Variants in ARHGEF3 observed in about 807,000 individuals in gnomAD.
ARHGEF3 encodes the protein 59.8 kDA protein.
A neutral mutation model predicts 63.2 loss-of-function variants in ARHGEF3; 28 were observed. The ratio of observed to expected loss-of-function variants is 0.44; its 90% CI spans 0.33 to 0.61. ARHGEF3 has a LOEUF of 0.61. Ranked by LOEUF, ARHGEF3 falls within the 20% of genes least tolerant of loss-of-function variation. The pLI, the probability that ARHGEF3 is intolerant of heterozygous loss-of-function variation, is 0.03. For synonymous variants in ARHGEF3, 266 were observed against 254.2 expected, an observed-to-expected ratio of 1.05 and a Z score of -0.44; for missense variants, 533 against 659.3, an observed-to-expected ratio of 0.81 and a Z score of 2.10.
chr3:56,903,061 T>C (rs2041569341), intron 3 of ARHGEF3, among the ~76,000 whole-genome samples: 1 of 118,996 alleles, frequency 8.4e-6, no homozygotes, highest in East Asian at 2.7e-4. Context: ...GTGTCCCCTC[T>C]CTAAACATAC....
intron 4 of ARHGEF3, among the ~76,000 whole-genome samples, chr3:56,857,417 T>C (rs73833744): frequency 0.022 from 3,404 of 152,234 alleles, 124 homozygotes; most frequent in African/African-American, 0.077. Context: ...GAAGAACTTA[T>C]TTGCTGGAAA....
rs59510971 is a variant in ARHGEF3 at position 57,066,040 on chromosome 3, C to CA, written c.-28+13185dup. Reference sequence around the variant, plus strand: ...ACACAGTGAGACTCTGTCTCCAAAACAAAAAAAAAAAACCCTAAAATGTAA... The same window carrying CA: ...ACACAGTGAGACTCTGTCTCCAAAACAAAAAAAAAAAAACCCTAAAATGTAA... On this transcript the variant is annotated intron_variant, in intron 1 of 12. Coordinates refer to the ARHGEF3 transcript ENST00000338458. Among the ~76,000 whole-genome samples the CA allele has an allele frequency of 9.2e-3, 1,175 of 127,348 alleles. 13 individuals carry two copies. The highest frequency in any genetic ancestry group is 0.025 in the African/African-American group (845 of 34,462). 83.5% of individuals were successfully genotyped at this position (127,348 alleles called of 152,430 possible).
chr3:56,811,152 C>T lies in ARHGEF3; in HGVS notation c.193-37336G>A, dbSNP rs568358176. Among the ~76,000 whole-genome samples the T allele has an allele frequency of 9.8e-5, 15 of 152,298 alleles. No individual in the cohort carries two copies. In the East Asian group the frequency reaches 1.7e-3, roughly 18 times the overall value. ...ATGAAAAATTGACAAATCTATACTC[C>T]GAGTAAACTACCAAGTAAGCCACCC... is the stretch of plus-strand genomic sequence containing the variant. On this transcript the variant is annotated intron_variant, in intron 4 of 12. Transcript: ENST00000338458.
At chr3:56,837,448 A>G (rs2039154397) in intron 4 of ARHGEF3, among the ~76,000 whole-genome samples, 1 of 152,224 alleles carries the variant, frequency 6.6e-6, no homozygotes, top group Non-Finnish European at 1.5e-5. Context: ...AATTGGCTAG[A>G]AAACTTGCCA....
intron 2 of ARHGEF3, among the ~76,000 whole-genome samples, chr3:57,024,528 C>T (rs1402749377): frequency 6.6e-6 from 1 of 152,014 alleles, no homozygotes; most frequent in East Asian, 1.9e-4. Flanking sequence ...CGCTCTGTCG[C>T]CCAGGCTGGA....
chr3:56,949,198 A>G (rs1356425346), intron 3 of ARHGEF3, among the ~76,000 whole-genome samples: 4 of 152,100 alleles, frequency 2.6e-5, no homozygotes, highest in African/African-American at 9.7e-5. Flanking sequence ...AACTGGAAGC[A>G]TTCCCTTTGA....
upstream of ARHGEF3, among the ~76,000 whole-genome samples, chr3:56,804,273 T>C (rs1159374437): frequency 6.6e-6 from 1 of 152,224 alleles, no homozygotes; most frequent in Non-Finnish European, 1.5e-5. Context: ...CTACATCAGG[T>C]GGTGATCTAT....
intron 2 of ARHGEF3, among the ~76,000 whole-genome samples, chr3:57,034,437 T>C (rs1048486364): frequency 6.6e-6 from 1 of 152,066 alleles, no homozygotes; most frequent in Non-Finnish European, 1.5e-5. Context: ...CATCCAAGCA[T>C]GGGGCATAGT....
intron 8 of ARHGEF3, among the ~76,000 whole-genome samples, chr3:56,733,029 A>C (rs1032749280): frequency 6.6e-6 from 1 of 152,076 alleles, no homozygotes; most frequent in African/African-American, 2.4e-5. Flanking sequence ...CACGCCTGTA[A>C]TCCCAGCACT....
intron 3 of ARHGEF3, among the ~76,000 whole-genome samples, chr3:56,946,945 A>G (rs893623599): frequency 6.6e-6 from 1 of 152,228 alleles, no homozygotes; most frequent in Non-Finnish European, 1.5e-5. Flanking sequence ...GAAACTCTAC[A>G]AGCCAGAAGA....
chr3:56,744,533 G>T (rs1309511982), intron 7 of ARHGEF3, among the ~76,000 whole-genome samples: 1 of 151,806 alleles, frequency 6.6e-6, no homozygotes, highest in Non-Finnish European at 1.5e-5. Flanking sequence ...TGAGTAGCTG[G>T]GATTATAGGC....
chr3:56,898,008 T>C (rs532541107), intron 3 of ARHGEF3, among the ~76,000 whole-genome samples: 10 of 152,076 alleles, frequency 6.6e-5, no homozygotes, highest in African/African-American at 2.2e-4. Flanking sequence ...GCCTCCCAAG[T>C]AGCTGGGACT....
At chr3:57,070,745 G>A (rs184620134) in intron 1 of ARHGEF3, among the ~76,000 whole-genome samples, 1 of 152,192 alleles carries the variant, frequency 6.6e-6, no homozygotes, top group Admixed American at 6.5e-5. Flanking sequence ...GACTACTTGA[G>A]CCCAGGAGTT....
chr3:56,815,036 C>T (rs564582879), intron 4 of ARHGEF3, among the ~76,000 whole-genome samples: 2 of 151,986 alleles, frequency 1.3e-5, no homozygotes, highest in Admixed American at 1.3e-4. Context: ...GACAGCTACT[C>T]AGGAGGCTGA....
intron 2 of ARHGEF3, among the ~76,000 whole-genome samples, chr3:57,003,798 G>A (rs1419173770): frequency 1.1e-4 from 16 of 152,150 alleles, no homozygotes; most frequent in Admixed American, 1.0e-3. Context: ...AAGGGGCCAG[G>A]AGCCAAGGAA....
intron 1 of ARHGEF3, among the ~76,000 whole-genome samples, chr3:56,792,138 G>T (rs892457852): frequency 1.4e-5 from 2 of 147,854 alleles, no homozygotes; most frequent in African/African-American, 5.1e-5. Context: ...GAAAAGAAAA[G>T]AAAAGAAAAT....
At chr3:56,885,642 T>G (rs768189108) in intron 3 of ARHGEF3, among the ~76,000 whole-genome samples, 17 of 152,120 alleles carry the variant, frequency 1.1e-4, no homozygotes, top group Non-Finnish European at 1.8e-4. Context: ...GAGCCAAGCC[T>G]CATGAGTTCC....
chr3:56,944,568 CTTTTTTTTT>C (rs1205155655), intron 3 of ARHGEF3, among the ~76,000 whole-genome samples: 1 of 65,834 alleles, frequency 1.5e-5, no homozygotes, highest in Non-Finnish European at 2.7e-5. Flanking sequence ...AAAGTGGTTT[CTTTTTTTTT>C]TTTTTTTTTT....
intron 1 of ARHGEF3, among the ~76,000 whole-genome samples, chr3:57,042,226 T>C (rs1337462442): frequency 6.6e-6 from 1 of 151,982 alleles, no homozygotes; most frequent in East Asian, 1.9e-4. Flanking sequence ...ACAACCAAAC[T>C]GTCCATCGAT....
Sources: gnomAD v4.1 joint callset for allele counts (sites outside exome capture counted in the v4.1 genomes callset) on GRCh38, gnomAD v4.1.1 for gene constraint, MANE v1.5 for transcripts, NCBI Gene and HGNC (gene_info 2026-07-23, HGNC 2026-07-21) for gene names.